Variants in CTNNA1 observed in about 807,000 individuals in gnomAD.
CTNNA1 encodes catenin alpha-1.
A neutral mutation model predicts 98.4 loss-of-function variants in CTNNA1; 37 were observed. The ratio of observed to expected loss-of-function variants is 0.38; its 90% CI spans 0.29 to 0.49. CTNNA1 has a LOEUF of 0.49. Ranked by LOEUF, CTNNA1 falls within the 20% of genes least tolerant of loss-of-function variation. The probability of loss-of-function intolerance (pLI) is 0.95; values close to 1 mark genes in which losing one functional copy is unlikely to be tolerated. For synonymous variants in CTNNA1, 404 were observed against 413.2 expected, an observed-to-expected ratio of 0.98 and a Z score of 0.27; for missense variants, 761 against 1,147.2, an observed-to-expected ratio of 0.66 and a Z score of 4.86.
At chr5:138,867,345 T>A (rs288042) in intron 7 of CTNNA1, among the ~76,000 whole-genome samples, 1 of 152,008 alleles carries the variant, frequency 6.6e-6, no homozygotes, top group African/African-American at 2.4e-5. Context: ...GCTATGGGGC[T>A]GTGGTGCTGG....
intron 7 of CTNNA1, among the ~76,000 whole-genome samples, chr5:138,885,005 T>C (rs143139760): frequency 6.6e-6 from 1 of 152,182 alleles, no homozygotes; most frequent in Non-Finnish European, 1.5e-5. Flanking sequence ...AGTGATCATA[T>C]CAATTTTACT....
intron 3 of CTNNA1, among the ~76,000 whole-genome samples, chr5:138,801,955 G>T (rs967234807): frequency 6.6e-6 from 1 of 152,188 alleles, no homozygotes; most frequent in Non-Finnish European, 1.5e-5. Flanking sequence ...GAGGAATGTG[G>T]TTGTGATGTC....
At chr5:138,810,249 G>T in intron 4 of CTNNA1, 45 bp downstream of exon 4, 1 of 1,585,368 alleles carries the variant, frequency 6.3e-7, no homozygotes, top group Non-Finnish European at 8.6e-7. Flanking sequence ...ATCACAGGAA[G>T]ATTGCTACTG....
At chr5:138,814,587 A>T (rs1487329528) in intron 5 of CTNNA1, among the ~76,000 whole-genome samples, 1 of 152,192 alleles carries the variant, frequency 6.6e-6, no homozygotes, top group African/African-American at 2.4e-5. Context: ...ATGTGAAGTA[A>T]ATATTAAGTT....
rs763781492 is a variant in CTNNA1 at position 138,873,682 on chromosome 5, A to T, written c.1063-12530A>T. On this transcript the variant is annotated intron_variant, in intron 7 of 17. Coordinates refer to ENST00000302763, the MANE Select transcript of CTNNA1 (RefSeq NM_001903.5). The surrounding 1 kb of genome is among the most constrained non-coding windows in gnomAD (Gnocchi z 6.1). ...ATCTCAGGGAGTTTAAGATCTTGGA[A>T]TCAAGGCTGTTTAACTTGTTGTTAT... 8 of 1,614,058 alleles carry T rather than the reference A, an allele frequency of 5.0e-6. No homozygotes were observed. The highest frequency in any genetic ancestry group is 5.9e-6 in the Non-Finnish European group (7 of 1,179,904).
intron 7 of CTNNA1, among the ~76,000 whole-genome samples, chr5:138,833,605 G>A (rs1204042024): frequency 6.6e-6 from 1 of 152,058 alleles, no homozygotes; most frequent in African/African-American, 2.4e-5. Context: ...AATTATATGG[G>A]TGGTTTATTT....
intron 9 of CTNNA1, 99 bp from the exon 10 acceptor site, chr5:138,904,250 T>G: frequency 7.1e-7 from 1 of 1,404,148 alleles, no homozygotes; most frequent in Non-Finnish European, 9.5e-7. Flanking sequence ...GGTGCCCTTG[T>G]CATCTGTTCC....
At chr5:138,774,482 G>T (rs1015558835) in intron 1 of CTNNA1, among the ~76,000 whole-genome samples, 9 of 152,118 alleles carry the variant, frequency 5.9e-5, no homozygotes, top group Non-Finnish European at 1.2e-4. Context: ...GGTAAAGATT[G>T]CCTGGAGTTG....
At chr5:138,920,758 C>A (rs942397181) in intron 11 of CTNNA1, among the ~76,000 whole-genome samples, 7 of 152,202 alleles carry the variant, frequency 4.6e-5, no homozygotes, top group Admixed American at 1.3e-4. Context: ...CACTGAGAAC[C>A]TGTCCAAGAG....
intron 7 of CTNNA1, among the ~76,000 whole-genome samples, chr5:138,838,061 T>C (rs1000870105): frequency 1.3e-5 from 2 of 152,202 alleles, no homozygotes; most frequent in Non-Finnish European, 2.9e-5. Flanking sequence ...CTGCCATGTC[T>C]GGCTAAGTTT....
chr5:138,832,040 A>T (rs1235079777), intron 7 of CTNNA1, among the ~76,000 whole-genome samples: 5 of 152,180 alleles, frequency 3.3e-5, no homozygotes, highest in Admixed American at 3.3e-4. Context: ...TACAGATGAC[A>T]TTTGTTGAAA....
At chr5:138,924,862 C>T in intron 12 of CTNNA1, 152 bp downstream of exon 12, 1 of 681,700 alleles carries the variant, frequency 1.5e-6, no homozygotes, top group South Asian at 1.9e-5. Flanking sequence ...CTGGTCATAG[C>T]CAAATTCAGG....
At chr5:138,930,444 G>A (rs969765687) in intron 14 of CTNNA1, 29 bp from the exon 15 acceptor site, 1 of 1,560,702 alleles carries the variant, frequency 6.4e-7, no homozygotes, top group Non-Finnish European at 8.7e-7. Context: ...TTCTTTTTAT[G>A]TAAGAGCTCT....
Position 138,812,201 on chromosome 5 carries a change from A to G in CTNNA1, c.487A>G (p.Lys163Glu), listed in dbSNP as rs1336854183. ...TTTATAGGTGGAAGATGGTATCTTG[A>G]AGTTGAGGAATGCTGGCAATGAACA... ...QLKVVEDGIL[K>E]LRNAGNEQDL... Residue 163 changes from lysine to glutamate, a missense_variant, in exon 5 of 18, where the codon AAG becomes GAG. Lys to Glu is a moderately conservative substitution (Grantham distance 56, BLOSUM62 1). Around this residue, in one of 6 missense-constraint regions of CTNNA1, gnomAD observed 328 missense variants for 354.3 expected, o/e 0.93. Coordinates refer to ENST00000302763, the MANE Select transcript of CTNNA1 (RefSeq NM_001903.5). 1 of 1,613,634 alleles carries G rather than the reference A, an allele frequency of 6.2e-7. No homozygotes were observed. The highest frequency in any genetic ancestry group is 2.2e-5 in the East Asian group (1 of 44,846).
intron 7 of CTNNA1, among the ~76,000 whole-genome samples, chr5:138,851,691 G>A (rs1267041473): frequency 3.9e-5 from 6 of 152,124 alleles, no homozygotes; most frequent in Admixed American, 1.3e-4. Flanking sequence ...CCTGGGAGGC[G>A]GAAGTTGCAG....
rs755167476 is a variant in CTNNA1, at chr5:138,827,700, T to C, written c.1044T>C (p.Leu348=). ...NAVRQALQDL[L]SEYMGNAGRK... is the part of the protein sequence containing the mutation. ...TCCGCCAGGCCCTGCAGGACCTGCT[T>C]TCGGAGTACATGGGCAATGTGAGTT... The change falls in exon 7 of 18, where the codon CTT becomes CTC. Residue 348 remains leucine, a synonymous_variant. Transcript: ENST00000302763. 1.6e-5 allele frequency: 26 copies of C among 1,614,106 alleles called. No homozygotes were observed. Among genetic ancestry groups the C allele is most frequent in the East Asian group, 8.9e-5 (4 of 44,898 alleles).
chr5:138,827,206 A>G (rs529506567), intron 6 of CTNNA1, among the ~76,000 whole-genome samples: 1 of 152,304 alleles, frequency 6.6e-6, no homozygotes, highest in African/African-American at 2.4e-5. Flanking sequence ...TTGAATTGCT[A>G]GTCTTATACG....
intron 5 of CTNNA1, 36 bp from the exon 6 acceptor site, chr5:138,824,494 G>T (rs753745248): frequency 6.2e-7 from 1 of 1,604,046 alleles, no homozygotes; most frequent in South Asian, 1.1e-5. Context: ...CCCATATAAA[G>T]AGTGCTCCAA....
chr5:138,875,846 A>G (rs1242089187), intron 7 of CTNNA1: 1 of 495,372 alleles, frequency 2.0e-6, no homozygotes, highest in East Asian at 1.5e-4. Flanking sequence ...TTGATAAACT[A>G]GCTAAGTGGG....
Sources: gnomAD v4.1 joint callset for allele counts (sites outside exome capture counted in the v4.1 genomes callset) on GRCh38, gnomAD v4.1.1 for gene constraint, gnomAD v4.1.1 regional missense constraint, Gnocchi (gnomAD v3.1) non-coding constraint, MANE v1.5 for transcripts, NCBI Gene and HGNC (gene_info 2026-07-23, HGNC 2026-07-21) for gene names.